Variants in ZNF384 observed in about 807,000 individuals in gnomAD.
ZNF384 encodes the protein CAG repeat protein 1.
In ZNF384, 20 loss-of-function variants were observed where a neutral mutation model predicts 65.0. The ratio of observed to expected loss-of-function variants is 0.31; its 90% CI spans 0.22 to 0.45. The LOEUF is 0.45. ZNF384 is among the 20% of genes least tolerant of loss of function. The pLI, the probability that ZNF384 is intolerant of heterozygous loss-of-function variation, is 1.00. For missense variants in ZNF384, 549 were observed against 769.4 expected (o/e 0.71, Z 3.39); for synonymous variants, 310 against 303.9 (o/e 1.02, Z -0.21).
intron 2 of ZNF384, among the ~76,000 whole-genome samples, chr12:6,684,456 C>T (rs1245334569): frequency 2.0e-5 from 3 of 152,088 alleles, no homozygotes; most frequent in African/African-American, 7.2e-5. Flanking sequence ...TCTGTGAAAC[C>T]TCACTTAGCT....
rs1205456900 is a variant in ZNF384 at position 6,679,461 on chromosome 12, T to A, written c.60A>T (p.Ser20=). The A allele has an allele frequency of 1.2e-6, 2 of 1,613,956 alleles. No individual in the cohort carries two copies. Among genetic ancestry groups the A allele is most frequent in the Non-Finnish European group, 1.7e-6 (2 of 1,179,832 alleles). ...AGAAAGCAACACCACTTACCTGACCTGAGACTGTGGGGATAGAAGGCCAGA... is the reference window on the plus strand; with the variant it reads ...AGAAAGCAACACCACTTACCTGACCAGAGACTGTGGGGATAGAAGGCCAGA... ...PYFWPSIPTV[S]GQIENTMFIN... is the part of the protein sequence containing the mutation. The change falls in exon 3 of 12, where the codon TCA becomes TCT. Residue 20 remains serine, a synonymous_variant. Coordinates refer to ENST00000683879, the MANE Select transcript of ZNF384 (RefSeq NM_001385745.1).
In ZNF384 at chr12:6,678,692, C is replaced by T; in HGVS notation, c.323G>A (p.Arg108Lys). The T allele has an allele frequency of 6.8e-6, 11 of 1,614,046 alleles. No homozygotes were observed. The Middle Eastern group carries it at 1.5e-3, about 218-fold the overall frequency. Residue 108 changes from arginine to lysine, a missense_variant, in exon 5 of 12, where the codon AGG (arginine) becomes AAG (lysine). Arg to Lys is a conservative substitution (Grantham distance 26). Around this residue, in one of 5 missense-constraint regions of ZNF384, gnomAD observed 277 missense variants for 337.2 expected, o/e 0.82. Transcript: ENST00000683879. This position sits in a 1 kb window ranked among gnomAD's most constrained non-coding sequence, Gnocchi z 4.9. ...TGATTGACTCCCTTCTCTTCTCCAC[C>T]TCTGAGAACAGGAGACTCCTTGATT... is the stretch of plus-strand genomic sequence containing the variant. ...LMTAGVSCSQRWRREGSQSRG... is the reference protein window; with the variant it reads ...LMTAGVSCSQKWRREGSQSRG...
chr12:6,687,418 A>G (rs1199326168), intron 2 of ZNF384, among the ~76,000 whole-genome samples: 1 of 152,132 alleles, frequency 6.6e-6, no homozygotes, highest in Non-Finnish European at 1.5e-5. Context: ...ATAAATAAAT[A>G]AGACTGGAGA....
intron 2 of ZNF384, among the ~76,000 whole-genome samples, chr12:6,683,194 G>A (rs1440891007): frequency 2.0e-5 from 3 of 151,782 alleles, no homozygotes; most frequent in Admixed American, 6.6e-5. Context: ...AGGAGGCTGC[G>A]GCAGGAGAAT....
chr12:6,671,137 TG>T (rs888370371), intron 9 of ZNF384, among the ~76,000 whole-genome samples: 1 of 152,192 alleles, frequency 6.6e-6, no homozygotes, highest in African/African-American at 2.4e-5. Context: ...CTACAGTAAC[TG>T]TCCTAACGAA....
chr12:6,686,315 G>T (rs988179427), intron 2 of ZNF384, among the ~76,000 whole-genome samples: 1 of 152,070 alleles, frequency 6.6e-6, no homozygotes, highest in Non-Finnish European at 1.5e-5. Context: ...GTGTAATGGC[G>T]TGATCTCAGC....
chr12:6,680,329 G>A (rs1037798038), intron 2 of ZNF384, among the ~76,000 whole-genome samples: 2 of 151,996 alleles, frequency 1.3e-5, no homozygotes, highest in African/African-American at 4.8e-5. Context: ...AAGGTTCCAG[G>A]CCAGAACACA....
chr12:6,667,806 G>A lies in ZNF384; in HGVS notation c.1735C>T (p.Leu579=), dbSNP rs1260662708. The A allele has an allele frequency of 6.2e-7, 1 of 1,614,078 alleles. No individual in the cohort carries two copies. The highest frequency in any genetic ancestry group is 8.5e-7 in the Non-Finnish European group (1 of 1,180,034). ...TGCTCCGCCGTCTTATACGGGGTCA[G>A]GTCAAAGGAACACTGGGGTGGAGGG... ...PNPPPQCSFD[L]TPYKTAEHHK... Residue 579 remains leucine (L), a synonymous_variant, in exon 12 of 12, where the codon CTG becomes TTG. Coordinates refer to ENST00000683879, the MANE Select transcript of ZNF384 (RefSeq NM_001385745.1).
rs1466296438 is a variant in ZNF384 at position 6,673,606 on chromosome 12, G to A, written c.780-166C>T. Among the ~76,000 whole-genome samples, 3 of 152,046 alleles carry A rather than the reference G, an allele frequency of 2.0e-5. No homozygotes were observed. The highest frequency in any genetic ancestry group is 7.2e-5 in the African/African-American group (3 of 41,394). ...TTATGGCCTAAGCTTCTAACATGGT[G>A]CCCAGCACATTATAAATATTCAATA... On this transcript the variant is annotated intron_variant, in intron 7 of 11. Coordinates refer to ENST00000683879, the MANE Select transcript of ZNF384 (RefSeq NM_001385745.1). The surrounding 1 kb of genome is among the most constrained non-coding windows in gnomAD (Gnocchi z 4.7).
At chr12:6,687,027 TTGAAA>T (rs1958169766) in intron 2 of ZNF384, among the ~76,000 whole-genome samples, 1 of 152,220 alleles carries the variant, frequency 6.6e-6, no homozygotes, top group Admixed American at 6.5e-5. Context: ...AGCTCAAGAC[TTGAAA>T]TGAAGAAACA....
intron 10 of ZNF384, among the ~76,000 whole-genome samples, chr12:6,669,953 C>A (rs982923745): frequency 7.2e-5 from 11 of 152,150 alleles, no homozygotes; most frequent in Admixed American, 3.9e-4. Flanking sequence ...CACACACACA[C>A]ACACACACAA....
chr12:6,684,789 G>A (rs1018836826), intron 2 of ZNF384, among the ~76,000 whole-genome samples: 8 of 152,166 alleles, frequency 5.3e-5, no homozygotes, highest in African/African-American at 1.9e-4. Flanking sequence ...TGAGATCAAT[G>A]GAGAGCTAAG....
intron 2 of ZNF384, among the ~76,000 whole-genome samples, chr12:6,682,127 TA>T (rs542764175): frequency 0.066 from 4,917 of 74,276 alleles, 257 homozygotes; most frequent in African/African-American, 0.21. Context: ...ACCGTGTCTC[TA>T]AAAAAAAAAA....
intron 7 of ZNF384, among the ~76,000 whole-genome samples, chr12:6,676,616 C>T (rs1399024262): frequency 1.3e-5 from 2 of 152,290 alleles, no homozygotes; most frequent in Middle Eastern, 3.4e-3. Flanking sequence ...GTTAAAGGAT[C>T]CTTCTACTAC....
At chr12:6,689,000 A>T (rs897672208) in intron 1 of ZNF384, 98 bp downstream of exon 1, 2 of 151,676 alleles carry the variant, frequency 1.3e-5, no homozygotes, top group African/African-American at 4.9e-5. Flanking sequence ...ACACACAGTC[A>T]CATCGTGGAC....
chr12:6,682,265 A>C (rs1230623327), intron 2 of ZNF384, among the ~76,000 whole-genome samples: 5 of 152,020 alleles, frequency 3.3e-5, no homozygotes, highest in African/African-American at 1.2e-4. Context: ...GACTGCAGTG[A>C]GCTATGAACA....
intron 7 of ZNF384, among the ~76,000 whole-genome samples, chr12:6,676,171 G>A (rs983060597): frequency 1.3e-5 from 2 of 152,076 alleles, no homozygotes; most frequent in African/African-American, 4.8e-5. Context: ...GCGTGGTGGC[G>A]CACCTATAGT....
In ZNF384 at chr12:6,678,507, A is replaced by T; in HGVS notation, c.353-47T>A. 6.5e-7 allele frequency: 1 copy of T among 1,543,738 alleles called. No individual in the cohort carries two copies. The highest frequency in any genetic ancestry group is 8.8e-7 in the Non-Finnish European group (1 of 1,135,044). ...GATGGCGTCATGTTGTTCAGTCCTG[A>T]TCCTAATCCTATTTCATTTCCCCCA... On this transcript the variant is annotated intron_variant, in intron 5 of 11. Coordinates refer to ENST00000683879, the MANE Select transcript of ZNF384 (RefSeq NM_001385745.1). The surrounding 1 kb of genome is among the most constrained non-coding windows in gnomAD (Gnocchi z 4.9).
intron 11 of ZNF384, among the ~76,000 whole-genome samples, chr12:6,668,613 G>A (rs974278603): frequency 1.3e-5 from 2 of 151,186 alleles, no homozygotes; most frequent in Admixed American, 6.6e-5. Flanking sequence ...TGAGGCAGGA[G>A]AATCGCTTGA....
Sources: allele counts gnomAD v4.1 joint callset (sites outside exome capture counted in the v4.1 genomes callset), GRCh38; gene constraint gnomAD v4.1.1; regional missense constraint gnomAD v4.1.1; non-coding constraint Gnocchi (gnomAD v3.1); transcripts MANE v1.5; gene names NCBI Gene and HGNC (gene_info 2026-07-23, HGNC 2026-07-21).